CCNH: variants seen among roughly 807,000 people sequenced by gnomAD.
CCNH encodes cyclin-H.
A neutral mutation model predicts 41.9 loss-of-function variants in CCNH; 31 were observed. The observed-to-expected ratio is 0.74, with a 90% CI of 0.56 to 1.00. The LOEUF (loss-of-function observed/expected upper bound fraction) is 1.00. Among genes scored for constraint, CCNH ranks in the 50% least tolerant of loss-of-function variants. CCNH has a pLI of 0.00. For synonymous variants in CCNH, 138 were observed against 136.1 expected (o/e 1.01, Z -0.10); for missense variants, 362 against 388.4 (o/e 0.93, Z 0.57).
At chr5:87,340,566 T>A (rs1324138017) in intron 9 of CCNH, among the ~76,000 whole-genome samples, 1 of 152,092 alleles carries the variant, frequency 6.6e-6, no homozygotes, top group East Asian at 1.9e-4. Context: ...AATAGTGGAA[T>A]GAGTAACACT....
intron 9 of CCNH, chr5:87,362,486 T>C (rs1371679174): frequency 6.7e-7 from 1 of 1,502,042 alleles, no homozygotes; most frequent in Non-Finnish European, 9.2e-7. Flanking sequence ...TTGGTACTTT[T>C]ATAGATTTTT....
chr5:87,325,537 T>C (rs2112349649), intron 9 of CCNH, among the ~76,000 whole-genome samples: 1 of 152,340 alleles, frequency 6.6e-6, no homozygotes, highest in South Asian at 2.1e-4. Context: ...GTTTGTAGTA[T>C]GATCAGGCAC....
intron 9 of CCNH, among the ~76,000 whole-genome samples, chr5:87,336,160 T>G (rs1757958977): frequency 6.6e-6 from 1 of 152,156 alleles, no homozygotes; most frequent in Non-Finnish European, 1.5e-5. Flanking sequence ...CATTAAGAGA[T>G]TTGCAAAATT....
intron 9 of CCNH, among the ~76,000 whole-genome samples, chr5:87,319,089 A>G (rs1463978552): frequency 6.6e-6 from 1 of 152,234 alleles, no homozygotes; most frequent in Non-Finnish European, 1.5e-5. Flanking sequence ...TCTCACATCC[A>G]GGGCACGCTG....
chr5:87,391,632 T>C, downstream of CCNH: 1 of 234,568 alleles, frequency 4.3e-6, no homozygotes, highest in South Asian at 1.8e-4. Context: ...GGTTGTTGTA[T>C]TGATCAATGC....
intron 1 of CCNH, chr5:87,412,271 T>C: frequency 3.2e-6 from 1 of 308,294 alleles, no homozygotes; most frequent in Non-Finnish European, 5.1e-6. Flanking sequence ...CCACGCACCA[T>C]CTCTGTAACT....
chr5:87,394,598 A>AGAT, intron 8 of CCNH, 114 bp from the exon 9 acceptor site: 8 of 1,528,980 alleles, frequency 5.2e-6, no homozygotes, highest in African/African-American at 1.4e-5. Flanking sequence ...GGATTACAAA[A>AGAT]GATAAACCAG....
intron 9 of CCNH, among the ~76,000 whole-genome samples, chr5:87,350,261 C>T (rs780729012): frequency 6.6e-6 from 1 of 151,696 alleles, no homozygotes; most frequent in Admixed American, 6.6e-5. Context: ...GCAGCTGTAC[C>T]CTTTTGCCTA....
chr5:87,331,627 T>G, intron 9 of CCNH: 1 of 1,068,226 alleles, frequency 9.4e-7, no homozygotes, highest in Non-Finnish European at 1.4e-6. Flanking sequence ...TTGTTTTCAG[T>G]CAAATGATTT....
intron 9 of CCNH, among the ~76,000 whole-genome samples, chr5:87,346,200 C>G (rs914130168): frequency 4.6e-5 from 7 of 151,958 alleles, no homozygotes; most frequent in Non-Finnish European, 1.0e-4. Context: ...ATTCTTATCA[C>G]CCAATCTTAT....
intron 9 of CCNH, chr5:87,349,160 TC>T: frequency 1.3e-6 from 2 of 1,584,066 alleles, no homozygotes; most frequent in South Asian, 2.2e-5. Context: ...CTACTTAACA[TC>T]TTTTCTTTTT....
chr5:87,317,108 C>T (rs560712505), downstream of CCNH, among the ~76,000 whole-genome samples: 2 of 152,220 alleles, frequency 1.3e-5, no homozygotes, highest in South Asian at 4.1e-4. Flanking sequence ...TTCTTAAGTT[C>T]CCGGCCTCAT....
chr5:87,403,899 TA>T (rs1172448717), intron 5 of CCNH, among the ~76,000 whole-genome samples: 1 of 152,220 alleles, frequency 6.6e-6, no homozygotes, highest in African/African-American at 2.4e-5. Context: ...TTCATACTCC[TA>T]AAGTGTAGTA....
At chr5:87,341,211 G>A in intron 9 of CCNH, 4 of 823,684 alleles carry the variant, frequency 4.9e-6, no homozygotes, top group Non-Finnish European at 6.7e-6. Context: ...TATGTTTGCA[G>A]ATACGATTTT....
At chr5:87,386,794 G>C (rs1432660523), downstream of CCNH, 1 of 1,580,148 alleles carries the variant, frequency 6.3e-7, no homozygotes, top group African/African-American at 1.4e-5. Context: ...GTTTGTTTCT[G>C]GTGCATATAA....
rs781143209 is a variant in CCNH, at chr5:87,411,362, T to TA, written c.118-17dup. 9.4e-6 allele frequency: 15 copies of TA among 1,593,224 alleles called. No individual in the cohort carries two copies. The highest frequency in any genetic ancestry group is 1.7e-4 in the Middle Eastern group (1 of 5,990). On this transcript the variant is annotated splice_polypyrimidine_tract_variant and intron_variant, in intron 1 of 8. Transcript: ENST00000256897. Reference sequence around the variant, plus strand: ...TCGGAAGAACCTTTAGATCAACAATTACAACACAAGTTCAATGAATTCAAT... The same window carrying TA: ...TCGGAAGAACCTTTAGATCAACAATTAACAACACAAGTTCAATGAATTCAAT...
At chr5:87,340,440 C>T (rs905535022) in intron 9 of CCNH, among the ~76,000 whole-genome samples, 3 of 151,632 alleles carry the variant, frequency 2.0e-5, no homozygotes, top group Non-Finnish European at 4.4e-5. Flanking sequence ...TAAGCCTACT[C>T]CCTTGGATAT....
chr5:87,339,735 G>C (rs1258562832), intron 9 of CCNH, among the ~76,000 whole-genome samples: 1 of 152,112 alleles, frequency 6.6e-6, no homozygotes, highest in African/African-American at 2.4e-5. Flanking sequence ...ATGTGATGTG[G>C]TTGCTAAAAA....
downstream of CCNH, among the ~76,000 whole-genome samples, chr5:87,375,336 C>A (rs766230979): frequency 9.3e-5 from 14 of 151,188 alleles, no homozygotes; most frequent in Non-Finnish European, 1.9e-4. Flanking sequence ...TCTCGGCTCA[C>A]TGCAACCTCC....
Sources: allele counts gnomAD v4.1 joint callset (sites outside exome capture counted in the v4.1 genomes callset), GRCh38; gene constraint gnomAD v4.1.1; transcripts MANE v1.5; gene names NCBI Gene and HGNC (gene_info 2026-07-23, HGNC 2026-07-21).